GABRR1: variants seen among roughly 807,000 people sequenced by gnomAD.
GABRR1 encodes gamma-aminobutyric acid receptor subunit rho-1.
Under a neutral mutation model 55.5 loss-of-function variants are expected in GABRR1, and 59 were observed. The ratio of observed to expected loss-of-function variants is 1.06; its 90% confidence interval spans 0.86 to 1.32. GABRR1 has a LOEUF of 1.32. Among genes scored for constraint, GABRR1 ranks in the 40% most tolerant of loss-of-function variants. The pLI, the probability that GABRR1 is intolerant of heterozygous loss-of-function variation, is 0.00. For synonymous variants in GABRR1, 213 were observed against 226.0 expected (o/e 0.94, Z 0.51); for missense variants, 602 against 619.1 (o/e 0.97, Z 0.29).
intron 6 of GABRR1, among the ~76,000 whole-genome samples, chr6:89,186,387 T>C (rs1032442630): frequency 1.3e-5 from 2 of 152,238 alleles, no homozygotes; most frequent in African/African-American, 4.8e-5. Context: ...TGAAAGGCCT[T>C]AGAAGCAGAA....
At chr6:89,193,593 C>T (rs1396505059) in intron 5 of GABRR1, among the ~76,000 whole-genome samples, 3 of 152,202 alleles carry the variant, frequency 2.0e-5, no homozygotes, top group Admixed American at 6.5e-5. Context: ...TGGACTTCTA[C>T]AGGCTTTCGG....
intron 1 of GABRR1, among the ~76,000 whole-genome samples, chr6:89,212,409 GA>G (rs1772854632): frequency 5.7e-5 from 2 of 35,026 alleles, no homozygotes; most frequent in South Asian, 1.1e-3. Flanking sequence ...TCATGCTGCT[GA>G]GCAAGCAAGC....
At chr6:89,192,136 G>C (rs928466598) in intron 5 of GABRR1, among the ~76,000 whole-genome samples, 6 of 151,990 alleles carry the variant, frequency 3.9e-5, no homozygotes, top group African/African-American at 1.2e-4. Context: ...AAGGAGACAG[G>C]GAGGTGGGCG....
intron 5 of GABRR1, 82 bp from the exon 6 acceptor site, chr6:89,190,329 T>G: frequency 1.1e-6 from 1 of 899,212 alleles, no homozygotes; most frequent in Non-Finnish European, 1.7e-6. Context: ...GGCCTCTGCT[T>G]CCTTCCAATA....
In GABRR1 at chr6:89,192,124, G is replaced by A. The variant is rs1008769742; in HGVS notation, c.573-1877C>T. On this transcript the variant is annotated intron_variant, in intron 5 of 9. Transcript: ENST00000454853. ...GATCTCTTCCCACACAGGTGGAAGCGCAAGGAGACAGGGAGGTGGGCGCAG... is the reference window on the plus strand; with the variant it reads ...GATCTCTTCCCACACAGGTGGAAGCACAAGGAGACAGGGAGGTGGGCGCAG... 4.6e-5 allele frequency among the ~76,000 whole-genome samples: 7 copies of A among 152,252 alleles called. No individual in the cohort carries two copies. The East Asian group carries it at 7.7e-4, about 17-fold the overall frequency.
intron 5 of GABRR1, among the ~76,000 whole-genome samples, chr6:89,192,547 C>CTCT (rs559452823): frequency 4.1e-4 from 61 of 150,236 alleles, no homozygotes; most frequent in South Asian, 4.0e-3. Flanking sequence ...CCTCTTCTTC[C>CTCT]TCTTCTTCTT....
At chr6:89,190,114 T>C (rs1279508970) in intron 6 of GABRR1, 51 bp downstream of exon 6, 1 of 1,299,894 alleles carries the variant, frequency 7.7e-7, no homozygotes, top group Non-Finnish European at 1.1e-6. Context: ...GTTAGAGGTG[T>C]TGAGAATTAT....
chr6:89,190,100 G>A, intron 6 of GABRR1, 65 bp downstream of exon 6: 2 of 1,117,502 alleles, frequency 1.8e-6, no homozygotes, highest in Non-Finnish European at 2.6e-6. Context: ...TCCTGCAGCT[G>A]AGAGTTAGAG....
intron 5 of GABRR1, among the ~76,000 whole-genome samples, chr6:89,194,530 C>G (rs759479652): frequency 5.9e-5 from 9 of 152,126 alleles, no homozygotes; most frequent in Admixed American, 2.0e-4. Flanking sequence ...TTAGGACCTC[C>G]CCAAAAGGGG....
At chr6:89,215,315 G>A (rs961857883) in intron 1 of GABRR1, among the ~76,000 whole-genome samples, 3 of 152,196 alleles carry the variant, frequency 2.0e-5, no homozygotes, top group Admixed American at 1.3e-4. Flanking sequence ...TGGATGAATG[G>A]ATAAAGAGAA....
chr6:89,223,280 A>G (rs1310303906), intron 1 of GABRR1, among the ~76,000 whole-genome samples: 1 of 152,170 alleles, frequency 6.6e-6, no homozygotes, highest in Non-Finnish European at 1.5e-5. Context: ...GCTCCCACTT[A>G]TGAGTGAGGA....
At chr6:89,219,045 C>T (rs1188363634), upstream of GABRR1, among the ~76,000 whole-genome samples, 1 of 152,138 alleles carries the variant, frequency 6.6e-6, no homozygotes, top group Non-Finnish European at 1.5e-5. Flanking sequence ...GTGGGAGGAT[C>T]ACCTGAGGTC....
intron 9 of GABRR1, 130 bp from the exon 10 acceptor site, chr6:89,179,193 CTGTTT>C: frequency 1.1e-6 from 1 of 943,794 alleles, no homozygotes; most frequent in Admixed American, 2.9e-5. Context: ...GGTAGGTATC[CTGTTT>C]TGTTTTGTTT....
At chr6:89,189,663 A>T (rs919220042) in intron 6 of GABRR1, among the ~76,000 whole-genome samples, 51 of 135,160 alleles carry the variant, frequency 3.8e-4, no homozygotes, top group Non-Finnish European at 7.3e-4. Flanking sequence ...AAGTATAATT[A>T]AAAAAAAAAA....
intron 1 of GABRR1, among the ~76,000 whole-genome samples, chr6:89,209,365 C>G (rs1317875863): frequency 6.6e-6 from 1 of 152,104 alleles, no homozygotes; most frequent in Non-Finnish European, 1.5e-5. Context: ...TACTTTCTAA[C>G]TTGTAGATAT....
chr6:89,215,904 A>C (rs555090129), intron 1 of GABRR1, among the ~76,000 whole-genome samples: 6 of 152,280 alleles, frequency 3.9e-5, no homozygotes, highest in African/African-American at 1.2e-4. Flanking sequence ...ATAGGTTGCC[A>C]CTCTAACTCT....
At chr6:89,179,100 G>C (rs1447055616) in intron 9 of GABRR1, 37 bp from the exon 10 acceptor site, 2 of 1,593,654 alleles carry the variant, frequency 1.3e-6, no homozygotes, top group South Asian at 1.1e-5. Context: ...TGTGAGCTCA[G>C]CATCATCTCT....
At chr6:89,223,166 GAACCCA>G (rs1278776774) in intron 1 of GABRR1, among the ~76,000 whole-genome samples, 1 of 151,904 alleles carries the variant, frequency 6.6e-6, no homozygotes, top group Non-Finnish European at 1.5e-5. Flanking sequence ...AATATATACT[GAACCCA>G]TTTTGTAGTC....
chr6:89,192,639 C>G (rs1772139953), intron 5 of GABRR1, among the ~76,000 whole-genome samples: 1 of 150,870 alleles, frequency 6.6e-6, no homozygotes, highest in Non-Finnish European at 1.5e-5. Flanking sequence ...CTCAACTCTG[C>G]AACCTCCACC....
Sources: allele counts gnomAD v4.1 joint callset (sites outside exome capture counted in the v4.1 genomes callset), GRCh38; gene constraint gnomAD v4.1.1; transcripts MANE v1.5; gene names NCBI Gene and HGNC (gene_info 2026-07-23, HGNC 2026-07-21).